The following HTT variants were observed in gnomAD, a reference collection of about 807,000 sequenced individuals.
HTT encodes huntington disease protein.
In HTT, 104 loss-of-function variants were observed where a neutral mutation model predicts 362.3. That is an observed-to-expected ratio of 0.29 (90% CI 0.24 to 0.34). The LOEUF is 0.34. Ranked by LOEUF, HTT falls within the 10% of genes least tolerant of loss-of-function variation. The probability of loss-of-function intolerance (pLI) is 1.00; values close to 1 mark genes in which losing one functional copy is unlikely to be tolerated. For synonymous variants in HTT, 1,577 were observed against 1,548.7 expected (o/e 1.02, Z -0.43); for missense variants, 3,301 against 3,928.6 (o/e 0.84, Z 4.27).
chr4:3,099,687 G>T (rs1198935124), intron 3 of HTT, among the ~76,000 whole-genome samples: 1 of 150,280 alleles, frequency 6.7e-6, no homozygotes, highest in South Asian at 2.1e-4. Context: ...GTATGGTTTG[G>T]AGGTGGTCTT....
intron 1 of HTT, among the ~76,000 whole-genome samples, chr4:3,076,994 A>G (rs1487540299): frequency 6.6e-6 from 1 of 152,096 alleles, no homozygotes; most frequent in Non-Finnish European, 1.5e-5. Context: ...CCTGGCTAAC[A>G]TGGTGAAACC....
chr4:3,225,536 A>G (rs1233169068), intron 56 of HTT, 125 bp from the exon 57 acceptor site: 2 of 715,886 alleles, frequency 2.8e-6, no homozygotes, highest in Non-Finnish European at 4.7e-6. Flanking sequence ...CCCTCCTGCC[A>G]GTGGCGGCGA....
chr4:3,186,907 G>GGAGTACA (rs1323614934), intron 38 of HTT, among the ~76,000 whole-genome samples, 188 bp downstream of exon 38: 1 of 146,012 alleles, frequency 6.8e-6, no homozygotes, highest in Non-Finnish European at 1.5e-5. Context: ...CGCCCAGGCT[G>GGAGTACA]GAGTACAGTG....
chr4:3,204,165 T>A lies in HTT; in HGVS notation c.5718+17T>A, dbSNP rs752462723. 3 of 1,613,884 alleles carry A rather than the reference T, an allele frequency of 1.9e-6. No individual in the cohort carries two copies. Among genetic ancestry groups the A allele is most frequent in the Middle Eastern group, 1.7e-4 (1 of 6,032 alleles). On this transcript the variant is annotated intron_variant, in intron 42 of 66. Transcript: ENST00000355072. The stretch of plus-strand genomic sequence containing the variant: ...GATTATGTCGTAAGTTTGAAATGCC[T>A]GTAAACGGGGTTGAGGGAGGTGGGG...
rs1721878880 is a variant in HTT at position 3,242,984 on chromosome 4, C to A, written c.*2925C>A. 6.6e-6 allele frequency: 1 copy of A among 152,316 alleles called. No individual in the cohort carries two copies. Among genetic ancestry groups the A allele is most frequent in the African/African-American group, 2.4e-5 (1 of 41,396 alleles). 9.4% of individuals were successfully genotyped at this position (152,316 alleles called of 1,614,324 possible). ...TTCAAGGGGAAAATGTGAAGCTGAA[C>A]CCCCTCCAGACACCCAGAATGTAGC... On this transcript the variant is annotated 3_prime_UTR_variant, in exon 67 of 67. Coordinates refer to ENST00000355072, the MANE Select transcript of HTT (RefSeq NM_001388492.1).
intron 1 of HTT, 61 bp downstream of exon 1, chr4:3,075,149 C>T (rs1712447641): frequency 5.0e-6 from 6 of 1,195,222 alleles, no homozygotes; most frequent in Non-Finnish European, 6.2e-6. Context: ...GCGGGGATGG[C>T]GGTAACCCTG....
In HTT at chr4:3,105,354, C is replaced by CAA; in HGVS notation, c.529-2_529-1insAA. 5 of 1,611,264 alleles carry CAA rather than the reference C, an allele frequency of 3.1e-6. No homozygotes were observed. Among genetic ancestry groups the CAA allele is most frequent in the Non-Finnish European group, 4.2e-6 (5 of 1,177,370 alleles). The stretch of plus-strand genomic sequence containing the variant: ...TAATGCAACCCTCATTGCACCCCCT[C>CAA]AGAATGGTGCCCCTCGGAGTTTGCG... On this transcript the variant is annotated splice_polypyrimidine_tract_variant and splice_region_variant and intron_variant, in intron 4 of 66. Coordinates refer to ENST00000355072, the MANE Select transcript of HTT (RefSeq NM_001388492.1).
chr4:3,145,961 A>G (rs1325375717), intron 24 of HTT, among the ~76,000 whole-genome samples: 1 of 152,240 alleles, frequency 6.6e-6, no homozygotes, highest in Non-Finnish European at 1.5e-5. Context: ...CAACTTTGGC[A>G]TTGGAGTAAA....
intron 22 of HTT, 81 bp from the exon 23 acceptor site, chr4:3,142,679 TTTAATC>T (rs1716406045): frequency 2.9e-6 from 2 of 689,030 alleles, no homozygotes; most frequent in Non-Finnish European, 4.6e-6. Context: ...TTTTTTAATC[TTTAATC>T]TTAAACTTTT....
intron 38 of HTT, 121 bp downstream of exon 38, chr4:3,186,840 T>A (rs1441981714): frequency 9.1e-6 from 2 of 218,692 alleles, no homozygotes; most frequent in East Asian, 1.6e-4. Context: ...AGAGTTTGCT[T>A]TTTTTTTTTT....
At chr4:3,181,044 T>A (rs903694240) in intron 36 of HTT, among the ~76,000 whole-genome samples, 4 of 144,694 alleles carry the variant, frequency 2.8e-5, no homozygotes, top group Non-Finnish European at 6.1e-5. Context: ...GCCCAGCAAA[T>A]TTTTTTTTTT....
At position 3,121,285 on chromosome 4, in the gene HTT, G is replaced by T. The variant is rs750119892; in HGVS notation, c.1126G>T (p.Ala376Ser). 1 of 1,614,138 alleles carries T rather than the reference G, an allele frequency of 6.2e-7. No individual in the cohort carries two copies. The highest frequency in any genetic ancestry group is 1.1e-5 in the South Asian group (1 of 91,080). The change falls in exon 9 of 67, where the codon GCC (alanine) becomes TCC (serine). Residue 376 changes from alanine (A) to serine (S), a missense_variant. Around this residue, in one of 4 missense-constraint regions of HTT, gnomAD observed 2,316 missense variants for 2,658.5 expected, o/e 0.87. Transcript: ENST00000355072. ...CCAAGACCACAATGTTGTGACCGGA[G>T]CCCTGGAGCTGTTGCAGCAGCTCTT... ...QHQDHNVVTGALELLQQLFRT... is the reference protein window; with the variant it reads ...QHQDHNVVTGSLELLQQLFRT...
In HTT at chr4:3,213,898, A is replaced by T. The variant is rs1025863951; in HGVS notation, c.6775-60A>T. 68 of 1,417,940 alleles carry T rather than the reference A, an allele frequency of 4.8e-5. 1 individual carries two copies. The Admixed American group carries it at 1.6e-3, about 34-fold the overall frequency. 87.8% of individuals were successfully genotyped at this position (1,417,940 alleles called of 1,614,324 possible). On this transcript the variant is annotated intron_variant, in intron 49 of 66. Transcript: ENST00000355072. ...GGACGGTTCCACAACTGTGATTCAC[A>T]CGGCTTCCCCAAACGAAGGTACACG...
At chr4:3,191,500 G>A (rs1393811821) in intron 40 of HTT, among the ~76,000 whole-genome samples, 1 of 152,130 alleles carries the variant, frequency 6.6e-6, no homozygotes, top group Non-Finnish European at 1.5e-5. Flanking sequence ...ATCAATGTAT[G>A]ACTGAAACAC....
At chr4:3,093,571 T>A (rs977863271) in intron 2 of HTT, among the ~76,000 whole-genome samples, 2 of 152,156 alleles carry the variant, frequency 1.3e-5, no homozygotes, top group Non-Finnish European at 2.9e-5. Context: ...TATGGAAAAT[T>A]GTTTTATGAT....
intron 26 of HTT, among the ~76,000 whole-genome samples, chr4:3,153,289 C>T (rs1316299553): frequency 6.6e-6 from 1 of 152,082 alleles, no homozygotes; most frequent in Non-Finnish European, 1.5e-5. Context: ...AATACCATCA[C>T]CCTGGTAATT....
intron 1 of HTT, among the ~76,000 whole-genome samples, chr4:3,075,609 CAT>C (rs1375733029): frequency 8.6e-6 from 1 of 116,342 alleles, no homozygotes; most frequent in Non-Finnish European, 1.7e-5. Context: ...CAGTGGATGA[CAT>C]AATGCTTTTA....
rs112343847 is a variant in HTT, at chr4:3,092,435, A to G, written c.347+5413A>G. ...GATCTTACTCTGTCACCCAGGCAGG[A>G]TGCAGTTGCACAATCATAGCCCACT... On this transcript the variant is annotated intron_variant, in intron 2 of 66. Transcript: ENST00000355072. Among the ~76,000 whole-genome samples the G allele has an allele frequency of 6.2e-3, 946 of 152,264 alleles. 12 individuals are homozygous for G. Among genetic ancestry groups the G allele is most frequent in the African/African-American group, 0.022 (914 of 41,552 alleles).
chr4:3,214,648 G>A (rs1720312417), intron 50 of HTT, among the ~76,000 whole-genome samples: 1 of 152,230 alleles, frequency 6.6e-6, no homozygotes, highest in Admixed American at 6.5e-5. Flanking sequence ...TTACATGTTA[G>A]AGGGCGTTTT....
Sources: allele counts gnomAD v4.1 joint callset (sites outside exome capture counted in the v4.1 genomes callset), GRCh38; gene constraint gnomAD v4.1.1; regional missense constraint gnomAD v4.1.1; transcripts MANE v1.5; gene names NCBI Gene and HGNC (gene_info 2026-07-23, HGNC 2026-07-21).